RASEF: variants seen among roughly 807,000 people sequenced by gnomAD.
RASEF encodes the protein RAS and EF-hand domain containing, also known as ras and EF-hand domain-containing protein.
A neutral mutation model predicts 90.1 loss-of-function variants in RASEF; 68 were observed. The ratio of observed to expected loss-of-function variants is 0.75; its 90% CI spans 0.62 to 0.92. The LOEUF (loss-of-function observed/expected upper bound fraction) is 0.92, where lower values mean the gene tolerates loss of function less well. Among genes scored for constraint, RASEF ranks in the 40% least tolerant of loss-of-function variants. The pLI is 0.00. For missense variants in RASEF, 949 were observed against 937.2 expected, an observed-to-expected ratio of 1.01 and a Z score of -0.16; for synonymous variants, 331 against 345.2, an observed-to-expected ratio of 0.96 and a Z score of 0.46.
the RASEF span, among the ~76,000 whole-genome samples, chr9:83,125,094 T>A: frequency 6.6e-6 from 1 of 152,134 alleles, no homozygotes; most frequent in African/African-American, 2.4e-5. Flanking sequence ...AATAAGGTGT[T>A]TTGTTTTGTT....
At chr9:83,198,438 C>T in the RASEF span, among the ~76,000 whole-genome samples, 1 of 152,168 alleles carries the variant, frequency 6.6e-6, no homozygotes, top group Non-Finnish European at 1.5e-5. Flanking sequence ...CTTTCACCTC[C>T]ACTCTCTGCA....
the RASEF span, among the ~76,000 whole-genome samples, chr9:83,156,386 T>C: frequency 1.3e-5 from 2 of 152,222 alleles, no homozygotes; most frequent in Non-Finnish European, 2.9e-5. Context: ...CACTCTGTAA[T>C]TGGAGTTCCA....
At chr9:82,988,601 T>C (rs1463349801) in intron 16 of RASEF, among the ~76,000 whole-genome samples, 3 of 152,108 alleles carry the variant, frequency 2.0e-5, no homozygotes, top group Admixed American at 2.0e-4. Context: ...CATAGCTCCA[T>C]CCCTTGGTGA....
chr9:83,146,174 G>A, the RASEF span, among the ~76,000 whole-genome samples: 5 of 151,408 alleles, frequency 3.3e-5, no homozygotes, highest in Non-Finnish European at 5.9e-5. Flanking sequence ...TTTGTTTTTC[G>A]TAAGATGTCT....
chr9:83,113,038 C>T, the RASEF span, among the ~76,000 whole-genome samples: 1 of 152,018 alleles, frequency 6.6e-6, no homozygotes, highest in African/African-American at 2.4e-5. Context: ...TTTCAACACA[C>T]ATATAAGAAA....
chr9:83,089,943 T>C, the RASEF span, among the ~76,000 whole-genome samples: 2 of 150,444 alleles, frequency 1.3e-5, no homozygotes, highest in South Asian at 4.2e-4. Context: ...GATAGATAGA[T>C]AGATATAGAT....
the RASEF span, among the ~76,000 whole-genome samples, chr9:83,171,934 T>C: frequency 6.6e-6 from 1 of 151,838 alleles, no homozygotes; most frequent in Admixed American, 6.6e-5. Context: ...CTGATCTGTA[T>C]TCTTTTCTTC....
Position 82,998,397 on chromosome 9 carries a change from A to G in RASEF, c.1773T>C (p.Val591=). The change falls in exon 13 of 17, where the codon GTT becomes GTC. Residue 591 remains valine (V), a synonymous_variant. Coordinates refer to ENST00000376447, the MANE Select transcript of RASEF (RefSeq NM_152573.4). The stretch of plus-strand genomic sequence containing the variant: ...GACCAGCTGTATCCCAGAGCTGCAG[A>G]ACTGTTCGTTCTCCATCCACAATGA... ...KTLIVDGERT[V]LQLWDTAGQE... is the part of the protein sequence containing the mutation. 1 of 1,613,530 alleles carries G rather than the reference A, an allele frequency of 6.2e-7. No individual in the cohort carries two copies. The highest frequency in any genetic ancestry group is 8.5e-7 in the Non-Finnish European group (1 of 1,179,440).
At chr9:83,140,941 G>A in the RASEF span, among the ~76,000 whole-genome samples, 30 of 152,064 alleles carry the variant, frequency 2.0e-4, no homozygotes, top group South Asian at 5.8e-3. Context: ...TCAGGAGTTC[G>A]AGACCAGCCT....
chr9:83,079,751 A>T, the RASEF span, among the ~76,000 whole-genome samples: 5 of 152,160 alleles, frequency 3.3e-5, no homozygotes, highest in Non-Finnish European at 7.3e-5. Context: ...ACAACAAATT[A>T]TATGTCTAAA....
intron 1 of RASEF, chr9:83,048,820 T>G (rs1170737274): frequency 1.1e-6 from 1 of 928,122 alleles, no homozygotes; most frequent in Admixed American, 6.2e-5. Flanking sequence ...TTGATTAACA[T>G]GTAGACCTTA....
chr9:83,162,156 G>GT, the RASEF span, among the ~76,000 whole-genome samples: 1 of 152,034 alleles, frequency 6.6e-6, no homozygotes, highest in Admixed American at 6.6e-5. Flanking sequence ...GATTTACTAG[G>GT]TATCTAGGCA....
At chr9:83,038,803 AT>A (rs1328026509) in intron 1 of RASEF, among the ~76,000 whole-genome samples, 2 of 152,194 alleles carry the variant, frequency 1.3e-5, no homozygotes, top group Non-Finnish European at 2.9e-5. Context: ...TATATTAGTT[AT>A]CCTCATTTTA....
chr9:83,110,730 A>G, the RASEF span, among the ~76,000 whole-genome samples: 1 of 152,120 alleles, frequency 6.6e-6, no homozygotes, highest in Non-Finnish European at 1.5e-5. Context: ...ATTACTCACA[A>G]TCAGTAGCTG....
chr9:83,021,599 G>A (rs1482549877), intron 3 of RASEF, among the ~76,000 whole-genome samples: 7 of 152,118 alleles, frequency 4.6e-5, no homozygotes, highest in Admixed American at 2.0e-4. Flanking sequence ...CTGCATCTGC[G>A]AATTCAACCA....
the RASEF span, among the ~76,000 whole-genome samples, chr9:83,170,979 G>A: frequency 6.6e-6 from 1 of 151,904 alleles, no homozygotes; most frequent in Non-Finnish European, 1.5e-5. Context: ...AGTAGTGAAA[G>A]TGAGCATCTT....
the RASEF span, among the ~76,000 whole-genome samples, chr9:83,144,457 G>GAAA: frequency 2.8e-5 from 4 of 145,242 alleles, no homozygotes; most frequent in African/African-American, 1.0e-4. Context: ...GAAAAGAAAA[G>GAAA]AGAAGAGAAA....
At chr9:83,182,401 G>A in the RASEF span, among the ~76,000 whole-genome samples, 2 of 152,096 alleles carry the variant, frequency 1.3e-5, no homozygotes, top group African/African-American at 4.8e-5. Flanking sequence ...TTTGTTTATG[G>A]TCATAAATCT....
At chr9:83,214,634 T>C in the RASEF span, among the ~76,000 whole-genome samples, 1 of 152,192 alleles carries the variant, frequency 6.6e-6, no homozygotes, top group East Asian at 2.0e-4. Context: ...AATTGAATCA[T>C]GGTGGTGGGT....
Sources: allele counts gnomAD v4.1 joint callset (sites outside exome capture counted in the v4.1 genomes callset), GRCh38; gene constraint gnomAD v4.1.1; transcripts MANE v1.5; gene names NCBI Gene and HGNC (gene_info 2026-07-23, HGNC 2026-07-21).